Variants in TBK1 observed in about 807,000 individuals in gnomAD.
The protein encoded by TBK1 is serine/threonine-protein kinase TBK1.
In TBK1, 37 loss-of-function variants were observed where a neutral mutation model predicts 99.9. That is an observed-to-expected ratio of 0.37 (90% confidence interval 0.28 to 0.49). The LOEUF (loss-of-function observed/expected upper bound fraction) is 0.49, where lower values mean the gene tolerates loss of function less well. TBK1 is among the 20% of genes least tolerant of loss of function. TBK1 has a pLI of 0.98. For synonymous variants in TBK1, 258 were observed against 279.8 expected, an observed-to-expected ratio of 0.92 and a Z score of 0.78; for missense variants, 644 against 872.5, an observed-to-expected ratio of 0.74 and a Z score of 3.30.
At chr12:64,476,846 A>C (rs2040719371) in intron 6 of TBK1, among the ~76,000 whole-genome samples, 1 of 152,148 alleles carries the variant, frequency 6.6e-6, no homozygotes, top group African/African-American at 2.4e-5. Context: ...TAATTTTTGT[A>C]TATGGTAAGA....
chr12:64,472,924 G>A (rs1294169916), intron 5 of TBK1, among the ~76,000 whole-genome samples: 1 of 152,162 alleles, frequency 6.6e-6, no homozygotes, highest in Non-Finnish European at 1.5e-5. Context: ...CTATGTGTAA[G>A]GACGTGTGTT....
rs532646066 is a variant in TBK1, at chr12:64,501,905, A to T, written c.*524A>T. The T allele has an allele frequency of 6.6e-6, 1 of 152,586 alleles. No individual in the cohort carries two copies. The highest frequency in any genetic ancestry group is 6.5e-5 in the Admixed American group (1 of 15,284). The allele number at this position is 152,586 out of a possible 1,614,324, so 9.5% of individuals were successfully genotyped here. A position where few individuals can be genotyped will look rare whatever the true frequency, so the allele number is the denominator to read the frequency against. ...TTTACAAGGTGCCCAGATCCCAGTT[A>T]TCCTTGTATCCATGTAATTTCAGAT... On this transcript the variant is annotated 3_prime_UTR_variant, in exon 21 of 21. Coordinates refer to ENST00000331710, the MANE Select transcript of TBK1 (RefSeq NM_013254.4).
intron 6 of TBK1, 129 bp from the exon 7 acceptor site, chr12:64,479,883 G>A: frequency 1.7e-6 from 1 of 586,912 alleles, no homozygotes; most frequent in Non-Finnish European, 3.0e-6. Context: ...TGGATCCTGT[G>A]AGCATCAATC....
chr12:64,495,477 A>G lies in TBK1; in HGVS notation c.1522-6A>G. On this transcript the variant is annotated splice_region_variant and splice_polypyrimidine_tract_variant and intron_variant, in intron 13 of 20. Transcript: ENST00000331710. ...AATCTGGATCTGAACCTTTGGTTTT[A>G]TTTAGCTTTCCAGTTCTCAGGGAAC... 6.2e-7 allele frequency: 1 copy of G among 1,612,666 alleles called. No homozygotes were observed. Among genetic ancestry groups the G allele is most frequent in the African/African-American group, 1.3e-5 (1 of 74,964 alleles).
At chr12:64,483,886 A>G (rs1047975126) in intron 8 of TBK1, among the ~76,000 whole-genome samples, 24 of 152,106 alleles carry the variant, frequency 1.6e-4, no homozygotes, top group Admixed American at 3.3e-4. Flanking sequence ...GCATGTTTGT[A>G]ATCCCAGCTA....
intron 1 of TBK1, chr12:64,452,485 C>G (rs1031784715): frequency 6.6e-6 from 1 of 152,278 alleles, no homozygotes; most frequent in Non-Finnish European, 1.5e-5. Flanking sequence ...GGTCCTCGAC[C>G]TGCATCCCGT....
chr12:64,464,170 T>C (rs996189912), intron 3 of TBK1, among the ~76,000 whole-genome samples, 164 bp from the exon 4 acceptor site: 3 of 152,192 alleles, frequency 2.0e-5, no homozygotes, highest in African/African-American at 7.2e-5. Flanking sequence ...CCGGAAGATA[T>C]TAATTCTTAT....
intron 4 of TBK1, among the ~76,000 whole-genome samples, chr12:64,464,856 T>A (rs1178643615): frequency 3.3e-5 from 5 of 152,162 alleles, no homozygotes; most frequent in Non-Finnish European, 7.3e-5. Flanking sequence ...TCAACATTAA[T>A]TAATTAATAA....
intron 2 of TBK1, among the ~76,000 whole-genome samples, chr12:64,456,684 CA>C (rs967416050): frequency 6.6e-5 from 10 of 151,344 alleles, no homozygotes; most frequent in African/African-American, 2.2e-4. Flanking sequence ...ACTAAAAATA[CA>C]AAAAAAATTA....
At chr12:64,470,347 T>C (rs2040650178) in intron 5 of TBK1, among the ~76,000 whole-genome samples, 1 of 152,156 alleles carries the variant, frequency 6.6e-6, no homozygotes, top group South Asian at 2.1e-4. Context: ...AGATATTTAA[T>C]ATGTAAAAAT....
At chr12:64,461,806 A>G (rs2040551543) in intron 3 of TBK1, among the ~76,000 whole-genome samples, 1 of 152,204 alleles carries the variant, frequency 6.6e-6, no homozygotes, top group Admixed American at 6.5e-5. Flanking sequence ...GACTCACAAA[A>G]CTGAGGAGAG....
intron 20 of TBK1, among the ~76,000 whole-genome samples, chr12:64,500,212 C>T (rs2040974292): frequency 6.6e-6 from 1 of 152,166 alleles, no homozygotes; most frequent in Admixed American, 6.5e-5. Flanking sequence ...TTATACTACT[C>T]TGTCTCCATG....
At chr12:64,457,057 C>A (rs61933195) in intron 2 of TBK1, among the ~76,000 whole-genome samples, 13,324 of 152,090 alleles carry the variant, frequency 0.088, 801 homozygotes, top group Middle Eastern at 0.22. Flanking sequence ...GAATTTGTTT[C>A]GAGCTAAATG....
intron 2 of TBK1, among the ~76,000 whole-genome samples, chr12:64,459,496 C>T (rs2040523604): frequency 1.3e-5 from 2 of 152,116 alleles, no homozygotes. Context: ...TGCTGTGGTA[C>T]ATCAGTAGAG....
chr12:64,458,092 C>CACAT (rs1349751979), intron 2 of TBK1, among the ~76,000 whole-genome samples: 50 of 149,848 alleles, frequency 3.3e-4, no homozygotes, highest in African/African-American at 1.2e-3. Flanking sequence ...ACTAAACACA[C>CACAT]ACACACACAC....
intron 6 of TBK1, among the ~76,000 whole-genome samples, chr12:64,478,939 A>C (rs1486097292): frequency 6.6e-6 from 1 of 152,264 alleles, no homozygotes; most frequent in Non-Finnish European, 1.5e-5. Flanking sequence ...CATGTGACTC[A>C]TAAGCAGCTA....
At chr12:64,496,917 G>T in intron 16 of TBK1, 32 bp from the exon 17 acceptor site, 2 of 1,441,046 alleles carry the variant, frequency 1.4e-6, no homozygotes, top group South Asian at 1.2e-5. Context: ...CAGTGACATT[G>T]GTTTAAGCCT....
chr12:64,474,284 G>A lies in TBK1; in HGVS notation c.595G>A (p.Gly199Arg). The change falls in exon 6 of 21, where the codon GGA (glycine) becomes AGA (arginine). Residue 199 changes from glycine (G) to arginine (R), a missense_variant. By Grantham distance (125) the Gly-to-Arg change is moderately radical. Coordinates refer to ENST00000331710, the MANE Select transcript of TBK1 (RefSeq NM_013254.4). ...VLRKDHQKKY[G>R]ATVDLWSIGV... ...AAGAAAAGATCATCAGAAGAAATAT[G>A]GAGCAACAGTTGATCTTTGGAGCAT... 1 of 1,613,814 alleles carries A rather than the reference G, an allele frequency of 6.2e-7. No individual in the cohort carries two copies. Among genetic ancestry groups the A allele is most frequent in the Non-Finnish European group, 8.5e-7 (1 of 1,179,920 alleles).
intron 1 of TBK1, among the ~76,000 whole-genome samples, chr12:64,455,536 T>C (rs1481116083): frequency 6.6e-6 from 1 of 152,184 alleles, no homozygotes; most frequent in African/African-American, 2.4e-5. Context: ...GAAAGTGATA[T>C]TGATTAAAAA....
Sources: allele counts gnomAD v4.1 joint callset (sites outside exome capture counted in the v4.1 genomes callset), GRCh38; gene constraint gnomAD v4.1.1; transcripts MANE v1.5; gene names NCBI Gene and HGNC (gene_info 2026-07-23, HGNC 2026-07-21).